Variants in CCDC148 observed in about 807,000 individuals in gnomAD.
The protein encoded by CCDC148 is coiled-coil domain-containing protein 148.
A neutral mutation model predicts 85.7 loss-of-function variants in CCDC148; 89 were observed. The ratio of observed to expected loss-of-function variants is 1.04; its 90% confidence interval spans 0.87 to 1.24. The LOEUF (loss-of-function observed/expected upper bound fraction) is 1.24. Ranked by LOEUF, CCDC148 falls within the 50% of genes most tolerant of loss-of-function variation. The pLI is 0.00. For synonymous variants in CCDC148, 230 were observed against 213.9 expected (o/e 1.08, Z -0.66); for missense variants, 692 against 671.7 (o/e 1.03, Z -0.33).
intron 1 of CCDC148, among the ~76,000 whole-genome samples, chr2:158,435,002 T>C (rs1687569226): frequency 6.6e-6 from 1 of 152,186 alleles, no homozygotes; most frequent in South Asian, 2.1e-4. Context: ...TATGTCTGAT[T>C]GGTGTACCTG....
chr2:158,397,585 T>C (rs1156619740), intron 1 of CCDC148, among the ~76,000 whole-genome samples: 1 of 151,990 alleles, frequency 6.6e-6, no homozygotes, highest in Admixed American at 6.6e-5. Flanking sequence ...TGCTGAGAGA[T>C]TTTTGTCACC....
intron 11 of CCDC148, among the ~76,000 whole-genome samples, chr2:158,212,951 T>C (rs2105293855): frequency 6.6e-6 from 1 of 152,320 alleles, no homozygotes; most frequent in East Asian, 1.9e-4. Flanking sequence ...TTTGGGCCCA[T>C]ACTTGAGAAA....
intron 2 of CCDC148, among the ~76,000 whole-genome samples, chr2:158,354,836 A>C (rs1259996948): frequency 1.1e-4 from 17 of 151,526 alleles, no homozygotes; most frequent in African/African-American, 4.1e-4. Context: ...TCAATAAAAT[A>C]CTGGCAAAAC....
intron 1 of CCDC148, among the ~76,000 whole-genome samples, chr2:158,362,602 G>T (rs886108746): frequency 6.6e-6 from 1 of 152,134 alleles, no homozygotes; most frequent in African/African-American, 2.4e-5. Flanking sequence ...CAGAAATAAA[G>T]ATGTTCTTTG....
intron 7 of CCDC148, among the ~76,000 whole-genome samples, chr2:158,338,021 A>G (rs1682476423): frequency 6.6e-6 from 1 of 152,160 alleles, no homozygotes; most frequent in African/African-American, 2.4e-5. Flanking sequence ...TATTGAGGTC[A>G]ATATCATAGC....
chr2:158,359,069 T>C (rs1381462206), intron 1 of CCDC148, among the ~76,000 whole-genome samples: 1 of 152,078 alleles, frequency 6.6e-6, no homozygotes, highest in East Asian at 1.9e-4. Flanking sequence ...GTTTAATACG[T>C]TGAAAAATAT....
intron 9 of CCDC148, among the ~76,000 whole-genome samples, chr2:158,262,751 G>T (rs894225537): frequency 6.6e-6 from 1 of 151,938 alleles, no homozygotes; most frequent in Non-Finnish European, 1.5e-5. Context: ...ACAGCATGGA[G>T]AAAGCCGCCC....
intron 8 of CCDC148, among the ~76,000 whole-genome samples, chr2:158,310,354 CTCTT>C (rs1337266147): frequency 2.6e-5 from 4 of 152,248 alleles, no homozygotes; most frequent in East Asian, 1.9e-4. Context: ...AATCTGATCT[CTCTT>C]TCTTTTCCCT....
chr2:158,456,480 G>A lies in CCDC148; in HGVS notation c.-41C>T. The A allele has an allele frequency of 6.2e-7, 1 of 1,601,816 alleles. No individual in the cohort carries two copies. On this transcript the variant is annotated 5_prime_UTR_variant, in exon 1 of 14. Transcript: ENST00000283233. Reference sequence around the variant, plus strand: ...GCATAGCCTCAGGGACTCCCCAAACGCAGGAAAAGTGAAACGCCCACTCCT... The same window carrying A: ...GCATAGCCTCAGGGACTCCCCAAACACAGGAAAAGTGAAACGCCCACTCCT...
intron 11 of CCDC148, among the ~76,000 whole-genome samples, chr2:158,204,292 T>C (rs1010602775): frequency 1.3e-4 from 20 of 152,186 alleles, no homozygotes; most frequent in African/African-American, 4.6e-4. Flanking sequence ...GGATCACAAA[T>C]TATTTGATAC....
At chr2:158,185,656 G>T (rs764315263) in intron 11 of CCDC148, among the ~76,000 whole-genome samples, 10 of 152,086 alleles carry the variant, frequency 6.6e-5, no homozygotes, top group Non-Finnish European at 1.3e-4. Context: ...GACACTGGAA[G>T]AGTGTTGCAA....
At chr2:158,414,393 T>C (rs1040961801) in intron 1 of CCDC148, among the ~76,000 whole-genome samples, 9 of 152,214 alleles carry the variant, frequency 5.9e-5, no homozygotes, top group African/African-American at 2.2e-4. Flanking sequence ...GGATCAGAGC[T>C]TAATCCATTC....
intron 13 of CCDC148, among the ~76,000 whole-genome samples, chr2:158,175,820 G>A (rs1684551243): frequency 6.6e-6 from 1 of 151,880 alleles, no homozygotes; most frequent in African/African-American, 2.4e-5. Flanking sequence ...TTGTAAAACT[G>A]ACAACTACTT....
At chr2:158,368,326 G>A (rs540256879) in intron 1 of CCDC148, among the ~76,000 whole-genome samples, 1 of 152,116 alleles carries the variant, frequency 6.6e-6, no homozygotes, top group African/African-American at 2.4e-5. Context: ...TTCAGATAAG[G>A]GATTTATGAA....
chr2:158,250,510 CTTTTT>C (rs11338184), intron 10 of CCDC148, among the ~76,000 whole-genome samples: 4 of 145,350 alleles, frequency 2.8e-5, no homozygotes, highest in African/African-American at 7.5e-5. Flanking sequence ...ACAACCTTGT[CTTTTT>C]TTTTTTTTTT....
At chr2:158,442,090 G>A (rs1687958796) in intron 1 of CCDC148, among the ~76,000 whole-genome samples, 1 of 152,094 alleles carries the variant, frequency 6.6e-6, no homozygotes, top group African/African-American at 2.4e-5. Flanking sequence ...AAAAAGACCT[G>A]CTGTATTTAA....
chr2:158,265,463 C>G (rs1689415388), intron 9 of CCDC148, among the ~76,000 whole-genome samples: 1 of 151,964 alleles, frequency 6.6e-6, no homozygotes, highest in South Asian at 2.1e-4. Flanking sequence ...AATCTTCACA[C>G]AAGGGGAAAT....
intron 10 of CCDC148, among the ~76,000 whole-genome samples, chr2:158,223,783 CA>C (rs1195583112): frequency 6.6e-6 from 1 of 152,176 alleles, no homozygotes; most frequent in Admixed American, 6.5e-5. Flanking sequence ...GGAAAACTAA[CA>C]AACAGAAAAG....
At chr2:158,417,573 C>A (rs1686559213) in intron 1 of CCDC148, among the ~76,000 whole-genome samples, 1 of 152,206 alleles carries the variant, frequency 6.6e-6, no homozygotes, top group South Asian at 2.1e-4. Context: ...AACTATACTG[C>A]AGTCTGAGGC....
Sources: allele counts gnomAD v4.1 joint callset (sites outside exome capture counted in the v4.1 genomes callset), GRCh38; gene constraint gnomAD v4.1.1; transcripts MANE v1.5; gene names NCBI Gene and HGNC (gene_info 2026-07-23, HGNC 2026-07-21).